The following HSDL2 variants were observed in gnomAD, a reference collection of about 807,000 sequenced individuals.
HSDL2 encodes hydroxysteroid dehydrogenase like 2, also known as hydroxysteroid dehydrogenase-like protein 2.
Under a neutral mutation model 46.3 loss-of-function variants are expected in HSDL2, and 27 were observed. The observed-to-expected ratio is 0.58, with a 90% CI of 0.43 to 0.80. The LOEUF is 0.80. Among genes scored for constraint, HSDL2 ranks in the 30% least tolerant of loss-of-function variants. The probability of loss-of-function intolerance (pLI) is 0.00; values close to 1 mark genes in which losing one functional copy is unlikely to be tolerated. For synonymous variants in HSDL2, 153 were observed against 163.6 expected (o/e 0.94, Z 0.50); for missense variants, 451 against 502.7 (o/e 0.90, Z 0.98).
chr9:112,424,811 A>T (rs113764683), intron 6 of HSDL2, among the ~76,000 whole-genome samples: 4,202 of 151,260 alleles, frequency 0.028, 204 homozygotes, highest in African/African-American at 0.096. Context: ...TTTTATATTT[A>T]TATTTTTTCA....
At chr9:112,409,075 C>A in intron 4 of HSDL2, 54 bp downstream of exon 4, 1 of 992,798 alleles carries the variant, frequency 1.0e-6, no homozygotes, top group Non-Finnish European at 1.6e-6. Context: ...TCTCAGGGAA[C>A]TTACATAGTT....
chr9:112,421,551 A>ATT (rs201017919), intron 6 of HSDL2, among the ~76,000 whole-genome samples: 1 of 152,184 alleles, frequency 6.6e-6, no homozygotes, highest in Non-Finnish European at 1.5e-5. Context: ...TCTTCATTAC[A>ATT]TTTAAAAAAA....
intron 6 of HSDL2, among the ~76,000 whole-genome samples, chr9:112,428,758 C>G (rs1832308989): frequency 6.6e-6 from 1 of 152,076 alleles, no homozygotes; most frequent in African/African-American, 2.4e-5. Flanking sequence ...CTTTTCTCAC[C>G]CTTTCTCAAT....
At chr9:112,409,353 T>C (rs1361303699) in intron 4 of HSDL2, among the ~76,000 whole-genome samples, 1 of 151,644 alleles carries the variant, frequency 6.6e-6, no homozygotes, top group African/African-American at 2.4e-5. Flanking sequence ...CCATGCCCAG[T>C]TGATTTTTTG....
chr9:112,443,506 A>G (rs1832683567), intron 8 of HSDL2, among the ~76,000 whole-genome samples: 1 of 152,160 alleles, frequency 6.6e-6, no homozygotes, highest in Non-Finnish European at 1.5e-5. Flanking sequence ...TTGAATACTT[A>G]GTCTTTTAAA....
intron 10 of HSDL2, among the ~76,000 whole-genome samples, chr9:112,460,686 C>T (rs1175561876): frequency 6.6e-6 from 1 of 151,958 alleles, no homozygotes; most frequent in African/African-American, 2.4e-5. Context: ...GTGAAGGCTG[C>T]AGTAAGTTGA....
At chr9:112,468,609 C>T (rs963499045) in intron 10 of HSDL2, among the ~76,000 whole-genome samples, 2 of 151,872 alleles carry the variant, frequency 1.3e-5, no homozygotes, top group African/African-American at 4.8e-5. Flanking sequence ...CCTTCATCCC[C>T]TCTTCTTCTC....
chr9:112,468,121 CTTAAGA>C (rs754334174), intron 10 of HSDL2, among the ~76,000 whole-genome samples: 1 of 152,158 alleles, frequency 6.6e-6, no homozygotes, highest in Non-Finnish European at 1.5e-5. Context: ...GCTTTATCAT[CTTAAGA>C]TTATCGTTGA....
chr9:112,413,473 G>A (rs1831922761), intron 4 of HSDL2, among the ~76,000 whole-genome samples: 1 of 145,914 alleles, frequency 6.9e-6, no homozygotes, highest in East Asian at 2.0e-4. Context: ...CAACAAGTGC[G>A]AAATTCCCTC....
In HSDL2 at chr9:112,459,445, C is replaced by A; in HGVS notation, c.1016-4C>A. 1 of 1,613,606 alleles carries A rather than the reference C, an allele frequency of 6.2e-7. No homozygotes were observed. The highest frequency in any genetic ancestry group is 1.7e-5 in the Admixed American group (1 of 60,012). On this transcript the variant is annotated splice_polypyrimidine_tract_variant and splice_region_variant and intron_variant, in intron 9 of 10. Transcript: ENST00000398805. ...CATTGATTTCTATATGTTTATCTCTCTAGGTGAAGATGGTGGCACGTGGTT... is the reference window on the plus strand; with the variant it reads ...CATTGATTTCTATATGTTTATCTCTATAGGTGAAGATGGTGGCACGTGGTT...
intron 5 of HSDL2, 57 bp downstream of exon 5, chr9:112,417,001 A>T: frequency 1.3e-6 from 1 of 774,202 alleles, no homozygotes; most frequent in South Asian, 1.6e-5. Flanking sequence ...TTTTGAATTA[A>T]ATCTGTGTAT....
chr9:112,464,612 T>G (rs919788285), intron 10 of HSDL2, among the ~76,000 whole-genome samples: 1 of 152,250 alleles, frequency 6.6e-6, no homozygotes, highest in African/African-American at 2.4e-5. Context: ...GAAGCCATTT[T>G]GTAGCTGGGA....
chr9:112,429,981 G>T (rs1832349680), intron 6 of HSDL2, among the ~76,000 whole-genome samples: 2 of 152,086 alleles, frequency 1.3e-5, no homozygotes, highest in African/African-American at 4.8e-5. Flanking sequence ...TACTCAGGGG[G>T]CTGAGGCAGG....
chr9:112,398,929 T>C (rs1286524986), intron 1 of HSDL2, among the ~76,000 whole-genome samples: 1 of 151,696 alleles, frequency 6.6e-6, no homozygotes, highest in Non-Finnish European at 1.5e-5. Flanking sequence ...TTAGACTTCG[T>C]GTGACCCATA....
intron 10 of HSDL2, among the ~76,000 whole-genome samples, chr9:112,461,908 G>T (rs1833220023): frequency 6.6e-6 from 1 of 152,054 alleles, no homozygotes; most frequent in South Asian, 2.1e-4. Context: ...CTTTGAATGT[G>T]GTCTTGGATT....
At chr9:112,391,178 A>AATAAT (rs1831335890) in intron 1 of HSDL2, among the ~76,000 whole-genome samples, 2 of 149,458 alleles carry the variant, frequency 1.3e-5, no homozygotes, top group East Asian at 3.9e-4. Flanking sequence ...TCCATCTCAA[A>AATAAT]AATAATAATA....
intron 9 of HSDL2, among the ~76,000 whole-genome samples, 173 bp downstream of exon 9, chr9:112,454,335 T>G (rs780725135): frequency 6.6e-6 from 1 of 152,168 alleles, no homozygotes; most frequent in African/African-American, 2.4e-5. Flanking sequence ...TTGTTTTTGT[T>G]GTTGTTGTGT....
chr9:112,469,468 T>G (rs1255382307), intron 10 of HSDL2, among the ~76,000 whole-genome samples: 3 of 151,760 alleles, frequency 2.0e-5, no homozygotes, highest in Admixed American at 2.0e-4. Flanking sequence ...GGTGGATCAC[T>G]TGAGACCAGC....
chr9:112,387,160 G>A (rs529265864), intron 1 of HSDL2, among the ~76,000 whole-genome samples: 9 of 151,966 alleles, frequency 5.9e-5, no homozygotes, highest in African/African-American at 1.4e-4. Context: ...TTATCTGTTA[G>A]AAAAGTAAAT....
Sources: gnomAD v4.1 joint callset for allele counts (sites outside exome capture counted in the v4.1 genomes callset) on GRCh38, gnomAD v4.1.1 for gene constraint, MANE v1.5 for transcripts, NCBI Gene and HGNC (gene_info 2026-07-23, HGNC 2026-07-21) for gene names.